RBFOX1: variants seen among roughly 807,000 people sequenced by gnomAD.
RBFOX1 encodes the protein RNA binding fox-1 homolog 1, also known as RNA binding protein fox-1 homolog 1.
RBFOX1 carries 8 observed loss-of-function variants against 57.7 expected under a neutral mutation model. The ratio of observed to expected loss-of-function variants is 0.14; its 90% CI spans 0.08 to 0.25. RBFOX1 has a LOEUF of 0.25. Ranked by LOEUF, RBFOX1 falls within the 10% of genes least tolerant of loss-of-function variation. The pLI is 1.00. For missense variants in RBFOX1, 611 were observed against 548.5 expected, an observed-to-expected ratio of 1.11 and a Z score of -1.14; for synonymous variants, 326 against 222.4, an observed-to-expected ratio of 1.47 and a Z score of -4.15.
At chr16:7,423,552 G>A (rs2098567897) in intron 4 of RBFOX1, among the ~76,000 whole-genome samples, 1 of 152,028 alleles carries the variant, frequency 6.6e-6, no homozygotes, top group Non-Finnish European at 1.5e-5. Flanking sequence ...CTGTACTTTC[G>A]ATTTCACAGT....
intron 4 of RBFOX1, chr16:7,332,955 C>T (rs1470561984): frequency 1.2e-6 from 2 of 1,612,268 alleles, no homozygotes; most frequent in African/African-American, 1.3e-5. Context: ...CCCTAACTCT[C>T]CATTGATGTG....
At chr16:7,375,265 G>T (rs980442268) in intron 4 of RBFOX1, among the ~76,000 whole-genome samples, 1 of 152,094 alleles carries the variant, frequency 6.6e-6, no homozygotes, top group Non-Finnish European at 1.5e-5. Context: ...TCAAAGACAG[G>T]ACAGCCTGAT....
At chr16:6,859,852 A>G (rs537808308) in intron 3 of RBFOX1, among the ~76,000 whole-genome samples, 34 of 152,218 alleles carry the variant, frequency 2.2e-4, no homozygotes, top group Non-Finnish European at 4.6e-4. Context: ...ACTTTTGAGT[A>G]TTCAGAGCTT....
intron 4 of RBFOX1, among the ~76,000 whole-genome samples, chr16:7,399,508 C>T (rs951631704): frequency 1.3e-5 from 2 of 152,088 alleles, no homozygotes; most frequent in Non-Finnish European, 2.9e-5. Context: ...CAGATTGGCT[C>T]CTTATGGAGA....
At chr16:6,841,015 GC>G (rs2093432510) in intron 3 of RBFOX1, among the ~76,000 whole-genome samples, 1 of 152,160 alleles carries the variant, frequency 6.6e-6, no homozygotes, top group South Asian at 2.1e-4. Flanking sequence ...AGCACCTTGG[GC>G]TTAGCCTCCA....
chr16:6,672,147 G>A (rs1380934803), intron 3 of RBFOX1, among the ~76,000 whole-genome samples: 1 of 152,174 alleles, frequency 6.6e-6, no homozygotes, highest in South Asian at 2.1e-4. Flanking sequence ...GGTAACATTA[G>A]CTAGAAATAG....
At chr16:6,260,545 A>T (rs1434135273) in intron 1 of RBFOX1, among the ~76,000 whole-genome samples, 1 of 152,178 alleles carries the variant, frequency 6.6e-6, no homozygotes, top group East Asian at 1.9e-4. Flanking sequence ...AATGGCTTTT[A>T]ATTAAATATC....
intron 3 of RBFOX1, among the ~76,000 whole-genome samples, chr16:6,980,280 C>A (rs961644753): frequency 2.0e-5 from 3 of 152,104 alleles, no homozygotes; most frequent in Non-Finnish European, 4.4e-5. Context: ...TGAGTGTGTG[C>A]GTTTATGATA....
Position 7,645,996 on chromosome 16 carries a change from T to A in RBFOX1, c.758-7819T>A, listed in dbSNP as rs569133685. On this transcript the variant is annotated intron_variant, in intron 11 of 15. Transcript: ENST00000550418. ...AAACTCTGAAATTACTGGATTTTTT[T>A]AAAAAAAGAAAAACCTTTCCATTTT... Among the ~76,000 whole-genome samples, 31 of 151,412 alleles carry A rather than the reference T, an allele frequency of 2.0e-4. No homozygotes were observed. In the South Asian group the frequency reaches 6.0e-3, roughly 30 times the overall value.
intron 3 of RBFOX1, among the ~76,000 whole-genome samples, chr16:6,864,115 G>C (rs955883577): frequency 6.6e-6 from 1 of 151,720 alleles, no homozygotes; most frequent in African/African-American, 2.4e-5. Flanking sequence ...AGAAGAAAGC[G>C]AAGGAGTCTC....
intron 2 of RBFOX1, among the ~76,000 whole-genome samples, chr16:5,470,408 A>G (rs2069095495): frequency 6.6e-6 from 1 of 152,168 alleles, no homozygotes; most frequent in Non-Finnish European, 1.5e-5. Context: ...AAGTCTGTGC[A>G]GTTTCTGGGT....
intron 4 of RBFOX1, among the ~76,000 whole-genome samples, chr16:7,217,031 C>CCCTCCCTCCCTT (rs2092197655): frequency 2.8e-5 from 2 of 71,554 alleles, no homozygotes; most frequent in African/African-American, 7.4e-5. Context: ...CTCCCTCCCT[C>CCCTCCCTCCCTT]CCTCCCTCCC....
At chr16:7,550,953 G>A (rs1009353993) in intron 5 of RBFOX1, among the ~76,000 whole-genome samples, 2 of 151,824 alleles carry the variant, frequency 1.3e-5, no homozygotes, top group African/African-American at 4.8e-5. Context: ...AATTAGCCGG[G>A]CATGGTGGCG....
At chr16:7,524,120 T>C (rs990830648) in intron 5 of RBFOX1, among the ~76,000 whole-genome samples, 7 of 152,326 alleles carry the variant, frequency 4.6e-5, no homozygotes, top group African/African-American at 1.7e-4. Flanking sequence ...TTAATATCAT[T>C]CTAAGGACAT....
intron 4 of RBFOX1, among the ~76,000 whole-genome samples, chr16:5,934,571 G>T (rs1020454781): frequency 6.6e-6 from 1 of 152,110 alleles, no homozygotes. Context: ...GACAGATCCC[G>T]CCAAGTGTTT....
intron 2 of RBFOX1, among the ~76,000 whole-genome samples, chr16:6,548,579 T>C (rs1414673113): frequency 6.6e-6 from 1 of 152,088 alleles, no homozygotes; most frequent in Non-Finnish European, 1.5e-5. Context: ...ATGACAAAGA[T>C]ACAAATAAAA....
intron 4 of RBFOX1, among the ~76,000 whole-genome samples, chr16:7,225,426 GCCA>G (rs1484951252): frequency 6.6e-6 from 1 of 152,066 alleles, no homozygotes; most frequent in Non-Finnish European, 1.5e-5. Flanking sequence ...TCTCTTGTCT[GCCA>G]CCACATCAGA....
intron 3 of RBFOX1, among the ~76,000 whole-genome samples, chr16:6,935,404 C>G (rs896620880): frequency 6.6e-6 from 1 of 152,170 alleles, no homozygotes; most frequent in Non-Finnish European, 1.5e-5. Flanking sequence ...TGACTTCCAA[C>G]AGTAGATCAT....
At chr16:6,296,193 C>CG (rs2078080476) in intron 1 of RBFOX1, among the ~76,000 whole-genome samples, 1 of 152,154 alleles carries the variant, frequency 6.6e-6, no homozygotes, top group African/African-American at 2.4e-5. Context: ...GTCACTCACA[C>CG]GCTCATCCAT....
Sources: allele counts gnomAD v4.1 joint callset (sites outside exome capture counted in the v4.1 genomes callset), GRCh38; gene constraint gnomAD v4.1.1; transcripts MANE v1.5; gene names NCBI Gene and HGNC (gene_info 2026-07-23, HGNC 2026-07-21).